Variants in MYO18B observed in about 807,000 individuals in gnomAD.
The protein encoded by MYO18B is myosin XVIIIB.
Under a neutral mutation model 273.0 loss-of-function variants are expected in MYO18B, and 204 were observed. The ratio of observed to expected loss-of-function variants is 0.75; its 90% CI spans 0.67 to 0.84. The LOEUF is 0.84. MYO18B is among the 40% of genes least tolerant of loss of function. The pLI, the probability that MYO18B is intolerant of heterozygous loss-of-function variation, is 0.00. For missense variants in MYO18B, 3,212 were observed against 3,287.6 expected (o/e 0.98, Z 0.56); for synonymous variants, 1,330 against 1,305.7 (o/e 1.02, Z -0.40).
At chr22:25,769,459 G>T in intron 4 of MYO18B, 31 bp downstream of exon 4, 1 of 1,478,384 alleles carries the variant, frequency 6.8e-7, no homozygotes, top group Non-Finnish European at 9.0e-7. Flanking sequence ...GGAGCGGGAA[G>T]CGGCAGACAG....
At chr22:26,039,248 G>T in the MYO18B span, among the ~76,000 whole-genome samples, 1 of 152,268 alleles carries the variant, frequency 6.6e-6, no homozygotes, top group African/African-American at 2.4e-5. Context: ...AGACACTATA[G>T]ATGTTACTAT....
intron 40 of MYO18B, among the ~76,000 whole-genome samples, chr22:25,993,689 G>A (rs73154161): frequency 0.12 from 17,821 of 152,166 alleles, 1,131 homozygotes; most frequent in Middle Eastern, 0.15. Flanking sequence ...CCTCTCTTAA[G>A]GGCTGGAGGC....
intron 21 of MYO18B, among the ~76,000 whole-genome samples, chr22:25,867,001 G>A (rs1256340359): frequency 1.3e-5 from 2 of 151,996 alleles, no homozygotes; most frequent in Non-Finnish European, 2.9e-5. Context: ...TACTAGGCAC[G>A]CAGTACTGTT....
intron 42 of MYO18B, among the ~76,000 whole-genome samples, chr22:26,015,677 G>C (rs536470662): frequency 6.6e-6 from 1 of 152,206 alleles, no homozygotes; most frequent in South Asian, 2.1e-4. Context: ...GGAGGGAGAG[G>C]ATCAGAAAAA....
intron 39 of MYO18B, among the ~76,000 whole-genome samples, chr22:25,982,731 T>G (rs753154577): frequency 6.6e-6 from 1 of 152,180 alleles, no homozygotes; most frequent in African/African-American, 2.4e-5. Flanking sequence ...TTGAGTATTT[T>G]AGGGACTACC....
chr22:25,844,685 T>C lies in MYO18B; in HGVS notation c.3368+791T>C, dbSNP rs564242166. ...AACAGTGGCACAGCCAGGACCCAAC[T>C]TGAGTCTAAGAGATGCTTGGAGAAT... On this transcript the variant is annotated intron_variant, in intron 18 of 43. Transcript: ENST00000335473. Among the ~76,000 whole-genome samples the C allele has an allele frequency of 2.0e-5, 3 of 152,290 alleles. No homozygotes were observed. In the South Asian group the frequency reaches 6.2e-4, roughly 32 times the overall value.
In MYO18B at chr22:25,941,899, C is replaced by T. The variant is rs544767053; in HGVS notation, c.5518-4238C>T. Among the ~76,000 whole-genome samples, 92 of 152,256 alleles carry T rather than the reference C, an allele frequency of 6.0e-4. 1 individual carries two copies. In the South Asian group the frequency reaches 0.017, roughly 28 times the overall value. On this transcript the variant is annotated intron_variant, in intron 34 of 43. Transcript: ENST00000335473. ...TCCTCAAGATGGTCAGTGCTGAGGCCCTGCTTATCCTGACTGTGTAAACTT... is the reference window on the plus strand; with the variant it reads ...TCCTCAAGATGGTCAGTGCTGAGGCTCTGCTTATCCTGACTGTGTAAACTT...
chr22:25,903,295 AG>A (rs1435264412), intron 30 of MYO18B: 2 of 268,794 alleles, frequency 7.4e-6, no homozygotes, highest in Non-Finnish European at 1.4e-5. Flanking sequence ...TCCCAGCCTC[AG>A]ACGGCACACA....
At chr22:25,910,734 C>A (rs1309782551) in intron 32 of MYO18B, among the ~76,000 whole-genome samples, 1 of 152,182 alleles carries the variant, frequency 6.6e-6, no homozygotes, top group Non-Finnish European at 1.5e-5. Flanking sequence ...GGTTCCCCAT[C>A]ATTGACCAGC....
chr22:26,048,718 C>T, the MYO18B span, among the ~76,000 whole-genome samples: 8 of 152,030 alleles, frequency 5.3e-5, no homozygotes, highest in African/African-American at 1.2e-4. Flanking sequence ...CAAAACAAAA[C>T]GTGTTGGCTA....
Position 25,769,141 on chromosome 22 carries a change from C to T in MYO18B, c.1225C>T (p.Arg409Trp), listed in dbSNP as rs753303836. 2.9e-5 allele frequency: 47 copies of T among 1,613,298 alleles called. No homozygotes were observed. The highest frequency in any genetic ancestry group is 5.5e-5 in the South Asian group (5 of 90,904). Residue 409 changes from arginine to tryptophan, a missense_variant, in exon 4 of 44, where the codon CGG (arginine) becomes TGG (tryptophan). Physicochemically the swap from Arg to Trp is moderately radical, Grantham distance 101. Coordinates refer to ENST00000335473, the MANE Select transcript of MYO18B (RefSeq NM_032608.7). ...TAAGTCCGGGAACGCAGGTGAAGCT[C>T]GGAGTCAGACAGAGAAGGGCTGTGA... The part of the protein sequence containing the change: ...QGKSGNAGEA[R>W]SQTEKGCEAP...
chr22:25,759,416 C>T (rs2086231489), intron 1 of MYO18B, among the ~76,000 whole-genome samples: 1 of 151,844 alleles, frequency 6.6e-6, no homozygotes. Context: ...AGTAAACTAA[C>T]ACAGAAACAA....
intron 39 of MYO18B, chr22:25,964,065 T>C (rs1268385343): frequency 6.6e-6 from 1 of 152,200 alleles, no homozygotes; most frequent in African/African-American, 2.4e-5. Context: ...TTTTGAGAAC[T>C]TGTTTGGAGG....
chr22:25,882,464 C>G (rs695824), intron 25 of MYO18B, among the ~76,000 whole-genome samples: 90,775 of 151,636 alleles, frequency 0.6, 27,860 homozygotes, highest in East Asian at 0.87. Flanking sequence ...GGCACTAAGG[C>G]ATTTAGCAAA....
intron 42 of MYO18B, among the ~76,000 whole-genome samples, chr22:26,014,203 G>A (rs1407185914): frequency 6.6e-6 from 1 of 152,148 alleles, no homozygotes; most frequent in Non-Finnish European, 1.5e-5. Flanking sequence ...ATTGTGGTGT[G>A]AGGTAGGGCT....
the MYO18B span, among the ~76,000 whole-genome samples, chr22:26,055,115 T>C: frequency 6.6e-6 from 1 of 152,126 alleles, no homozygotes; most frequent in Non-Finnish European, 1.5e-5. Context: ...TGTTTATTAT[T>C]ATCTGCAGCT....
At chr22:26,004,922 T>C (rs1569287028) in intron 42 of MYO18B, 67 bp downstream of exon 42, 3 of 1,589,826 alleles carry the variant, frequency 1.9e-6, no homozygotes, top group Non-Finnish European at 2.6e-6. Flanking sequence ...TTGAAAGTTG[T>C]TGTTCAAGTC....
In MYO18B at chr22:25,980,605, C is replaced by T. The variant is rs2093139242; in HGVS notation, c.6157-11758C>T. ...AAATCAACACAGGATGGAAATACAC[C>T]AACATATTCATGAAAAGCAGTTGTC... On this transcript the variant is annotated intron_variant, in intron 39 of 43. Transcript: ENST00000335473. 2.0e-5 allele frequency among the ~76,000 whole-genome samples: 3 copies of T among 152,222 alleles called. No individual in the cohort carries two copies. The South Asian group carries it at 6.2e-4, about 32-fold the overall frequency.
chr22:26,056,098 T>C, the MYO18B span, among the ~76,000 whole-genome samples: 1 of 152,174 alleles, frequency 6.6e-6, no homozygotes, highest in African/African-American at 2.4e-5. Flanking sequence ...GATGAATAAA[T>C]AGTATTCCAG....
Sources: allele counts gnomAD v4.1 joint callset (sites outside exome capture counted in the v4.1 genomes callset), GRCh38; gene constraint gnomAD v4.1.1; transcripts MANE v1.5; gene names NCBI Gene and HGNC (gene_info 2026-07-23, HGNC 2026-07-21).